The following DLG2 variants were observed in gnomAD, a reference collection of about 807,000 sequenced individuals.
The protein encoded by DLG2 is disks large homolog 2.
In DLG2, 45 loss-of-function variants were observed where a neutral mutation model predicts 132.5. The observed-to-expected ratio is 0.34, with a 90% CI of 0.27 to 0.44. DLG2 has a LOEUF of 0.44. Among genes scored for constraint, DLG2 ranks in the 20% least tolerant of loss-of-function variants. The pLI is 1.00. For synonymous variants in DLG2, 424 were observed against 419.6 expected (o/e 1.01, Z -0.13); for missense variants, 1,045 against 1,196.9 (o/e 0.87, Z 1.87).
chr11:83,946,218 C>T (rs1444104304), intron 14 of DLG2, among the ~76,000 whole-genome samples: 1 of 152,052 alleles, frequency 6.6e-6, no homozygotes, highest in Admixed American at 6.6e-5. Flanking sequence ...GAACTCCTGA[C>T]CTCAGGTAAT....
chr11:84,439,584 C>T (rs896687594), intron 7 of DLG2, among the ~76,000 whole-genome samples: 3 of 152,144 alleles, frequency 2.0e-5, no homozygotes, highest in Non-Finnish European at 2.9e-5. Context: ...CCATATTATA[C>T]CCTGTACTCT....
chr11:83,782,225 T>C (rs74328455), intron 18 of DLG2, among the ~76,000 whole-genome samples: 5,759 of 152,286 alleles, frequency 0.038, 306 homozygotes, highest in African/African-American at 0.12. Context: ...CCTTTAATAA[T>C]TACTCAGCAA....
intron 3 of DLG2, among the ~76,000 whole-genome samples, chr11:85,346,478 G>A (rs1327263088): frequency 1.3e-5 from 2 of 152,104 alleles, no homozygotes; most frequent in African/African-American, 4.8e-5. Flanking sequence ...TTAAGCCACC[G>A]CGCCTGGCCA....
chr11:84,668,798 AT>A (rs1292152239), intron 6 of DLG2, among the ~76,000 whole-genome samples: 1 of 152,120 alleles, frequency 6.6e-6, no homozygotes, highest in Non-Finnish European at 1.5e-5. Context: ...ATTTGAAAAT[AT>A]TTTTACATTC....
intron 8 of DLG2, among the ~76,000 whole-genome samples, chr11:84,210,935 C>G (rs1301461136): frequency 1.3e-5 from 2 of 152,184 alleles, no homozygotes; most frequent in Non-Finnish European, 2.9e-5. Flanking sequence ...TTTATCAAAA[C>G]TCAGCAATCT....
intron 5 of DLG2, among the ~76,000 whole-genome samples, chr11:85,130,282 C>T (rs2152404641): frequency 6.6e-6 from 1 of 152,278 alleles, no homozygotes; most frequent in African/African-American, 2.4e-5. Context: ...CTAGATTTAT[C>T]AGCATCCCTC....
In DLG2 at chr11:83,668,683, GTA is replaced by G. The variant is rs543674586; in HGVS notation, c.1826-35360_1826-35359del. 5.5e-5 allele frequency among the ~76,000 whole-genome samples: 8 copies of G among 144,460 alleles called. No individual in the cohort carries two copies. In the South Asian group the frequency reaches 8.8e-4, roughly 16 times the overall value. The allele number at this position is 144,460 out of a possible 152,430, so 94.8% of individuals were successfully genotyped here. A position where few individuals can be genotyped will look rare whatever the true frequency, so the allele number is the denominator to read the frequency against. ...TATATGTATAAGTATATATGTATGT[GTA>G]TATATATGTGTATATAAACACATAT... On this transcript the variant is annotated intron_variant, in intron 18 of 27. Transcript: ENST00000376104.
intron 11 of DLG2, among the ~76,000 whole-genome samples, chr11:84,046,316 G>C (rs12805593): frequency 0.023 from 3,414 of 151,586 alleles, 69 homozygotes; most frequent in Middle Eastern, 0.034. Context: ...TCTGTGTATT[G>C]AGAGAGATCA....
chr11:83,515,503 T>C (rs572254270), intron 21 of DLG2, among the ~76,000 whole-genome samples: 1 of 152,242 alleles, frequency 6.6e-6, no homozygotes, highest in Admixed American at 6.5e-5. Context: ...TTTTGAAGGG[T>C]TTTTTGTGTC....
At chr11:84,772,181 G>C (rs2069537304) in intron 6 of DLG2, among the ~76,000 whole-genome samples, 1 of 151,924 alleles carries the variant, frequency 6.6e-6, no homozygotes. Context: ...AAAAAAGAAG[G>C]GCATTACGTA....
chr11:84,089,329 T>A (rs1019513992), intron 10 of DLG2, among the ~76,000 whole-genome samples: 2 of 152,222 alleles, frequency 1.3e-5, no homozygotes, highest in African/African-American at 4.8e-5. Context: ...CTTTTCCATT[T>A]CTAAGCCTTC....
chr11:84,667,817 G>A (rs11234118), intron 6 of DLG2, among the ~76,000 whole-genome samples: 33,925 of 151,676 alleles, frequency 0.22, 4,060 homozygotes, highest in East Asian at 0.43. Flanking sequence ...GAGATTTTTA[G>A]TAACTAGGTT....
chr11:83,724,458 C>CGTGT (rs150976898), intron 18 of DLG2, among the ~76,000 whole-genome samples: 6,313 of 121,178 alleles, frequency 0.052, 195 homozygotes, highest in South Asian at 0.057. Flanking sequence ...TCTCTCTCTC[C>CGTGT]GTGTGTGTGT....
At chr11:83,550,386 C>T (rs1592985415) in intron 19 of DLG2, among the ~76,000 whole-genome samples, 1 of 152,282 alleles carries the variant, frequency 6.6e-6, no homozygotes, top group Non-Finnish European at 1.5e-5. Context: ...TGTCCGGGGG[C>T]TTGCATGTTG....
intron 3 of DLG2, among the ~76,000 whole-genome samples, chr11:85,383,579 C>A (rs531217946): frequency 6.6e-6 from 1 of 152,238 alleles, no homozygotes; most frequent in Admixed American, 6.5e-5. Context: ...AATATTTAAA[C>A]GGAGTTTTGC....
At chr11:84,316,124 C>T (rs992501295) in intron 7 of DLG2, among the ~76,000 whole-genome samples, 2 of 152,002 alleles carry the variant, frequency 1.3e-5, no homozygotes, top group Admixed American at 1.3e-4. Flanking sequence ...CTAGAATAAC[C>T]TAGGAATCAA....
intron 6 of DLG2, among the ~76,000 whole-genome samples, chr11:84,891,539 G>A (rs1166914685): frequency 6.6e-6 from 1 of 151,440 alleles, no homozygotes; most frequent in Non-Finnish European, 1.5e-5. Flanking sequence ...GAATGAAGAG[G>A]GTTTCATCAG....
intron 6 of DLG2, among the ~76,000 whole-genome samples, chr11:84,819,526 G>T (rs1299689375): frequency 6.6e-6 from 1 of 151,828 alleles, no homozygotes; most frequent in East Asian, 2.0e-4. Context: ...GCCTGGCATT[G>T]TCATGATCTC....
Position 83,850,158 on chromosome 11 carries a change from GTGT to G in DLG2, c.1566-16391_1566-16389del, listed in dbSNP as rs1220443019. ...TGTGTGTGTGTGTGTGTGTGTGTGT[GTGT>G]TTTTTTACTTGAGACGGAGTCTCAC... On this transcript the variant is annotated intron_variant, in intron 16 of 27. Transcript: ENST00000376104. Among the ~76,000 whole-genome samples, 129 of 127,858 alleles carry G rather than the reference GTGT, an allele frequency of 1.0e-3. 1 individual carries two copies. The highest frequency in any genetic ancestry group is 1.3e-3 in the Non-Finnish European group (85 of 63,704). The allele number at this position is 127,858 out of a possible 152,430, so 83.9% of individuals were successfully genotyped here.
Sources: allele counts gnomAD v4.1 joint callset (sites outside exome capture counted in the v4.1 genomes callset), GRCh38; gene constraint gnomAD v4.1.1; transcripts MANE v1.5; gene names NCBI Gene and HGNC (gene_info 2026-07-23, HGNC 2026-07-21).